CRACDL: variants seen among roughly 807,000 people sequenced by gnomAD.
CRACDL encodes CRACD like.
A neutral mutation model predicts 70.6 loss-of-function variants in CRACDL; 26 were observed. That is an observed-to-expected ratio of 0.37 (90% CI 0.27 to 0.51). CRACDL has a LOEUF of 0.51. CRACDL is among the 20% of genes least tolerant of loss of function. The probability of loss-of-function intolerance (pLI) is 0.94; values close to 1 mark genes in which losing one functional copy is unlikely to be tolerated. For synonymous variants in CRACDL, 618 were observed against 615.2 expected, an observed-to-expected ratio of 1.00 and a Z score of -0.07; for missense variants, 1,283 against 1,376.9, an observed-to-expected ratio of 0.93 and a Z score of 1.08.
At chr2:98,805,630 C>T (rs564651421) in intron 7 of CRACDL, among the ~76,000 whole-genome samples, 29 of 152,294 alleles carry the variant, frequency 1.9e-4, no homozygotes, top group Admixed American at 1.4e-3. Flanking sequence ...CACAACTCAG[C>T]GAGTGCAGAG....
intron 1 of CRACDL, among the ~76,000 whole-genome samples, chr2:98,933,360 T>C (rs1709130891): frequency 6.6e-6 from 1 of 152,022 alleles, no homozygotes; most frequent in African/African-American, 2.4e-5. Context: ...AGGAGTAACG[T>C]GGAAAGACTG....
intron 1 of CRACDL, among the ~76,000 whole-genome samples, chr2:98,935,462 G>A (rs1360691781): frequency 6.6e-6 from 1 of 152,154 alleles, no homozygotes; most frequent in East Asian, 1.9e-4. Flanking sequence ...TCCCTCCCGG[G>A]TGGCGTGTAA....
rs60538689 is a variant in CRACDL at position 98,826,906 on chromosome 2, TGG to T, written c.735+67_735+68del. ...CCCTGTGTGGGGGAGTGAGGCAGGT[TGG>T]GGGGGGGCATAGGGGGGTGCCAAGC... On this transcript the variant is annotated intron_variant, in intron 6 of 9. Coordinates refer to ENST00000397899, the MANE Select transcript of CRACDL (RefSeq NM_207362.3). The T allele has an allele frequency of 5.9e-6, 6 of 1,019,008 alleles. No homozygotes were observed. The East Asian group carries it at 1.3e-4, about 23-fold the overall frequency. The allele number at this position is 1,019,008 out of a possible 1,614,324, so 63.1% of individuals were successfully genotyped here. A position where few individuals can be genotyped will look rare whatever the true frequency, so the allele number is the denominator to read the frequency against.
Position 98,823,700 on chromosome 2 carries a change from C to T in CRACDL, c.736-163G>A, listed in dbSNP as rs1008454450. Among the ~76,000 whole-genome samples, 6 of 152,182 alleles carry T rather than the reference C, an allele frequency of 3.9e-5. No homozygotes were observed. Among genetic ancestry groups the T allele is most frequent in the Admixed American group, 3.9e-4 (6 of 15,282 alleles). On this transcript the variant is annotated intron_variant, in intron 6 of 9. Transcript: ENST00000397899. This position sits in a 1 kb window ranked among gnomAD's most constrained non-coding sequence, Gnocchi z 4.0. ...ACGGGTGTCTTTTCTCAGTCTGTAT[C>T]CTACTGGTCTACTTGGGCTCACAAG...
At chr2:98,831,223 G>T (rs1705528588) in intron 5 of CRACDL, among the ~76,000 whole-genome samples, 1 of 152,190 alleles carries the variant, frequency 6.6e-6, no homozygotes, top group African/African-American at 2.4e-5. Context: ...ATTCTGGAGA[G>T]AATAATTCTC....
intron 3 of CRACDL, among the ~76,000 whole-genome samples, chr2:98,835,941 C>G (rs1705759625): frequency 1.3e-5 from 2 of 152,312 alleles, no homozygotes; most frequent in Non-Finnish European, 2.9e-5. Flanking sequence ...GGTGACTCAT[C>G]ATGGGATGTG....
chr2:98,888,476 T>C (rs1189267525), intron 1 of CRACDL, among the ~76,000 whole-genome samples: 1 of 152,246 alleles, frequency 6.6e-6, no homozygotes, highest in East Asian at 1.9e-4. Flanking sequence ...TAAGATGCAA[T>C]CTGAAACCCC....
chr2:98,843,227 C>T (rs1330316535), intron 2 of CRACDL, among the ~76,000 whole-genome samples: 6 of 152,004 alleles, frequency 3.9e-5, no homozygotes, highest in Non-Finnish European at 7.4e-5. Flanking sequence ...AATTTGCTCC[C>T]CATTTTGTAA....
At chr2:98,886,087 C>A (rs1707790442) in intron 1 of CRACDL, among the ~76,000 whole-genome samples, 1 of 152,332 alleles carries the variant, frequency 6.6e-6, no homozygotes, top group South Asian at 2.1e-4. Flanking sequence ...CCATGGCAGC[C>A]TTGACAACCA....
chr2:98,889,235 GA>G (rs1256479347), intron 1 of CRACDL, among the ~76,000 whole-genome samples: 17 of 145,978 alleles, frequency 1.2e-4, no homozygotes, highest in African/African-American at 4.0e-4. Context: ...AAGAAAGAAA[GA>G]AAAAGAAAGA....
chr2:98,892,136 A>G (rs1321682348), intron 1 of CRACDL, among the ~76,000 whole-genome samples: 1 of 152,200 alleles, frequency 6.6e-6, no homozygotes, highest in Non-Finnish European at 1.5e-5. Context: ...GGCAATTTCT[A>G]TCAAAATCTT....
chr2:98,811,010 A>G (rs1704533290), intron 7 of CRACDL, among the ~76,000 whole-genome samples: 1 of 151,994 alleles, frequency 6.6e-6, no homozygotes, highest in African/African-American at 2.4e-5. Flanking sequence ...CTGTGGAGTG[A>G]AAGTGCAAGC....
At chr2:98,819,585 T>A (rs1704935731) in intron 7 of CRACDL, among the ~76,000 whole-genome samples, 1 of 152,226 alleles carries the variant, frequency 6.6e-6, no homozygotes. Flanking sequence ...GCCACATGTG[T>A]GGGCTCTTTG....
At chr2:98,795,077 A>ATATATATATTTTTTT in intron 9 of CRACDL, among the ~76,000 whole-genome samples, 7 of 58,486 alleles carry the variant, frequency 1.2e-4, no homozygotes, top group Admixed American at 4.4e-4. Flanking sequence ...ATATATATAT[A>ATATATATATTTTTTT]TTTTTTTTTT....
In CRACDL at chr2:98,797,535, T is replaced by C; in HGVS notation, c.2419A>G (p.Lys807Glu). The C allele has an allele frequency of 1.2e-6, 2 of 1,613,612 alleles. No homozygotes were observed. Among genetic ancestry groups the C allele is most frequent in the Non-Finnish European group, 1.7e-6 (2 of 1,180,016 alleles). ...EKRPLRRGAE[K>E]SLPPAATGPG... ...CCTGTTGCTGCAGGCGGCAGACTCT[T>C]TTCTGTTGGGTAAAGGCACAAGATT... is the stretch of plus-strand genomic sequence containing the variant. The change falls in exon 8 of 10, where the codon AAG becomes GAG. Residue 807 changes from lysine (K) to glutamate (E), a missense_variant and splice_region_variant. Physicochemically the swap from Lys to Glu is moderately conservative, Grantham distance 56 (BLOSUM62 1). Coordinates refer to ENST00000397899, the MANE Select transcript of CRACDL (RefSeq NM_207362.3).
intron 2 of CRACDL, 78 bp downstream of exon 2, chr2:98,846,653 G>T: frequency 8.2e-7 from 1 of 1,215,004 alleles, no homozygotes; most frequent in Non-Finnish European, 1.2e-6. Flanking sequence ...AGCCCCAAAG[G>T]CCTGCCTCTG....
At chr2:98,818,802 G>A (rs1028962941) in intron 7 of CRACDL, among the ~76,000 whole-genome samples, 2 of 152,194 alleles carry the variant, frequency 1.3e-5, no homozygotes, top group African/African-American at 4.8e-5. Context: ...CTGAGATTCT[G>A]CTCTGGTCAG....
intron 1 of CRACDL, among the ~76,000 whole-genome samples, chr2:98,851,457 G>C (rs1187531937): frequency 2.0e-5 from 3 of 152,162 alleles, no homozygotes; most frequent in African/African-American, 4.8e-5. Flanking sequence ...TCCCTTATCA[G>C]TTTGAAGAGG....
chr2:98,918,738 T>C (rs1389330354), intron 1 of CRACDL, among the ~76,000 whole-genome samples: 1 of 152,144 alleles, frequency 6.6e-6, no homozygotes, highest in African/African-American at 2.4e-5. Flanking sequence ...GTGTCTTCTT[T>C]TGAAAAAATG....
Sources: allele counts gnomAD v4.1 joint callset (sites outside exome capture counted in the v4.1 genomes callset), GRCh38; gene constraint gnomAD v4.1.1; non-coding constraint Gnocchi (gnomAD v3.1); transcripts MANE v1.5; gene names NCBI Gene and HGNC (gene_info 2026-07-23, HGNC 2026-07-21).